The following ZNF546 variants were observed in gnomAD, a reference collection of about 807,000 sequenced individuals.
The protein encoded by ZNF546 is CTC-471F3.6.
In ZNF546, 60 loss-of-function variants were observed where a neutral mutation model predicts 76.2. The ratio of observed to expected loss-of-function variants is 0.79; its 90% confidence interval spans 0.64 to 0.98. ZNF546 has a LOEUF of 0.98. Among genes scored for constraint, ZNF546 ranks in the 50% least tolerant of loss-of-function variants. The pLI is 0.00. For synonymous variants in ZNF546, 277 were observed against 328.1 expected (o/e 0.84, Z 1.68); for missense variants, 936 against 1,035.6 (o/e 0.90, Z 1.32).
chr19:40,014,170 C>A lies in ZNF546; in HGVS notation c.900C>A (p.Pro300=), dbSNP rs1316182073. ...AGAGAATACATTCTGGTGTGAAACC[C>A]TACGAGTGTAAGGAATGTGGGAAAG... ...EHQRIHSGVK[P]YECKECGKAF... is the part of the protein sequence containing the mutation. Residue 300 remains proline, a synonymous_variant, in exon 7 of 7, where the codon CCC becomes CCA. Coordinates refer to ENST00000347077, the MANE Select transcript of ZNF546 (RefSeq NM_178544.5). The A allele has an allele frequency of 6.2e-7, 1 of 1,612,924 alleles. No individual in the cohort carries two copies. Among genetic ancestry groups the A allele is most frequent in the South Asian group, 1.1e-5 (1 of 91,038 alleles).
intron 3 of ZNF546, among the ~76,000 whole-genome samples, chr19:40,004,193 G>A (rs564559602): frequency 2.0e-4 from 30 of 149,478 alleles, no homozygotes; most frequent in Admixed American, 1.7e-3. Flanking sequence ...AGAGAAGATC[G>A]TTCAACAAAG....
intron 3 of ZNF546, among the ~76,000 whole-genome samples, chr19:40,002,662 G>A (rs1971544354): frequency 6.6e-6 from 1 of 151,798 alleles, no homozygotes; most frequent in African/African-American, 2.4e-5. Flanking sequence ...TGGCTAATAA[G>A]CACCTGAAAT....
intron 3 of ZNF546, among the ~76,000 whole-genome samples, chr19:40,000,956 G>A (rs1971521415): frequency 1.3e-5 from 2 of 152,066 alleles, no homozygotes; most frequent in East Asian, 1.9e-4. Context: ...GGAGACCTGA[G>A]CTTGTTTTCC....
At position 40,004,725 on chromosome 19, in the gene ZNF546, T is replaced by C. The variant is rs377121897; in HGVS notation, c.85-1371T>C. ...CGTTCTTTCTTTATGTATGTGTGTG[T>C]GTGTGTATGTTTTCACAAATGTAAT... On this transcript the variant is annotated intron_variant, in intron 3 of 6. Transcript: ENST00000347077. Among the ~76,000 whole-genome samples the C allele has an allele frequency of 6.8e-4, 103 of 152,330 alleles. 3 individuals are homozygous for C. In the South Asian group the frequency reaches 0.012, roughly 17 times the overall value.
At chr19:40,007,502 C>T in intron 5 of ZNF546, 102 bp downstream of exon 5, 1 of 1,231,290 alleles carries the variant, frequency 8.1e-7, no homozygotes, top group Non-Finnish European at 1.1e-6. Flanking sequence ...ACTGACACCC[C>T]TATTTCTAAA....
rs1599748073 is a variant in ZNF546 at position 40,018,074 on chromosome 19, G to C, written c.*2293G>C. 6.9e-6 allele frequency: 1 copy of C among 145,318 alleles called. No individual in the cohort carries two copies. Among genetic ancestry groups the C allele is most frequent in the Admixed American group, 7.2e-5 (1 of 13,984 alleles). The allele number at this position is 145,318 out of a possible 1,614,324, so 9.0% of individuals were successfully genotyped here. ...CTGCAAGCTCCGCCTCCCGGGTTCA[G>C]GCAATTCTGCCTCAGCCTCCCCAGT... On this transcript the variant is annotated 3_prime_UTR_variant, in exon 7 of 7. Transcript: ENST00000347077.
chr19:40,011,382 C>A (rs1159501406), intron 6 of ZNF546: 2 of 152,062 alleles, frequency 1.3e-5, no homozygotes, highest in Non-Finnish European at 2.9e-5. Context: ...CACGCCACCA[C>A]ACCCAGCTAA....
chr19:40,001,570 C>T (rs2144637103), intron 3 of ZNF546, among the ~76,000 whole-genome samples: 1 of 152,166 alleles, frequency 6.6e-6, no homozygotes, highest in Non-Finnish European at 1.5e-5. Flanking sequence ...CCATGTTGGT[C>T]AGGCTGGTCT....
rs1367364267 is a variant in ZNF546 at position 40,018,340 on chromosome 19, A to G, written c.*2559A>G. 1 of 152,116 alleles carries G rather than the reference A, an allele frequency of 6.6e-6. No homozygotes were observed. Among genetic ancestry groups the G allele is most frequent in the East Asian group, 1.9e-4 (1 of 5,190 alleles). The allele number at this position is 152,116 out of a possible 1,614,324, so 9.4% of individuals were successfully genotyped here. On this transcript the variant is annotated 3_prime_UTR_variant, in exon 7 of 7. Transcript: ENST00000347077. ...CATTAACTGGAATTTGGGATTAGAG[A>G]CCCAATTAGGGACAGATTAAATATT...
At chr19:39,998,103 A>G (rs1971478692) in intron 2 of ZNF546, 145 bp from the exon 3 acceptor site, 1 of 534,448 alleles carries the variant, frequency 1.9e-6, no homozygotes, top group Non-Finnish European at 3.4e-6. Context: ...TACTTTCTGT[A>G]GCTTTCATTT....
intron 3 of ZNF546, among the ~76,000 whole-genome samples, chr19:40,000,804 C>T (rs1000125072): frequency 6.6e-6 from 1 of 151,910 alleles, no homozygotes; most frequent in African/African-American, 2.4e-5. Flanking sequence ...CATGGAGGAC[C>T]GTTTTTTCAC....
chr19:40,005,912 T>C (rs939581922), intron 3 of ZNF546, among the ~76,000 whole-genome samples, 184 bp from the exon 4 acceptor site: 32 of 152,226 alleles, frequency 2.1e-4, no homozygotes, highest in African/African-American at 7.2e-4. Context: ...TGTCATCACC[T>C]GGCAACCGTG....
In ZNF546 at chr19:40,006,236, A is replaced by C. The variant is rs1161339900; in HGVS notation, c.171+54A>C. 3.3e-6 allele frequency: 5 copies of C among 1,509,374 alleles called. No individual in the cohort carries two copies. In the African/African-American group the frequency reaches 6.9e-5, roughly 21 times the overall value. The allele number at this position is 1,509,374 out of a possible 1,614,324, so 93.5% of individuals were successfully genotyped here. A position where few individuals can be genotyped will look rare whatever the true frequency, so the allele number is the denominator to read the frequency against. The stretch of plus-strand genomic sequence containing the variant: ...ACTGTGTTTTTAAATTCATGTGATC[A>C]TTGAAGTCTCGTTATCTTGAGACTT... On this transcript the variant is annotated intron_variant, in intron 4 of 6. Transcript: ENST00000347077.
intron 3 of ZNF546, among the ~76,000 whole-genome samples, chr19:40,004,044 A>C (rs1180869482): frequency 1.4e-5 from 2 of 141,072 alleles, no homozygotes. Flanking sequence ...ATATAAATAT[A>C]TTTATATGTA....
rs914937514 is a variant in ZNF546, at chr19:40,019,479, A to G, written c.*3698A>G. The G allele has an allele frequency of 4.6e-5, 7 of 151,670 alleles. No individual in the cohort carries two copies. The highest frequency in any genetic ancestry group is 1.0e-4 in the Non-Finnish European group (7 of 67,734). 9.4% of individuals were successfully genotyped at this position (151,670 alleles called of 1,614,324 possible). A position where few individuals can be genotyped will look rare whatever the true frequency, so the allele number is the denominator to read the frequency against. On this transcript the variant is annotated 3_prime_UTR_variant, in exon 7 of 7. Coordinates refer to ENST00000347077, the MANE Select transcript of ZNF546 (RefSeq NM_178544.5). ...ATTAAGGCTTTGTGAAAAAATATTA[A>G]TACTTGATTTTAGTATAGCTAATCA...
At position 40,014,913 on chromosome 19, in the gene ZNF546, CAT is replaced by C; in HGVS notation, c.1644_1645del (p.Cys549Ter). The C allele has an allele frequency of 6.2e-7, 1 of 1,613,962 alleles. No individual in the cohort carries two copies. Among genetic ancestry groups the C allele is most frequent in the Non-Finnish European group, 8.5e-7 (1 of 1,179,938 alleles). On this transcript the variant is annotated frameshift_variant, in exon 7 of 7. Coordinates refer to ENST00000347077, the MANE Select transcript of ZNF546 (RefSeq NM_178544.5). LOFTEE classifies it high-confidence loss of function. ...CTTACCCGACATCACAGAATTCATA[CAT>C]GTGAGAAACCCTATGAATGTAAGGA...
Position 40,014,861 on chromosome 19 carries a change from G to A in ZNF546, c.1591G>A (p.Gly531Arg), listed in dbSNP as rs761172966. The stretch of plus-strand genomic sequence containing the variant: ...GAAACCCTACATATGTAACGAATGT[G>A]GAAAAGCCTTTCGTCTTCAAGGAGA... The part of the protein sequence containing the change: ...GEKPYICNEC[G>R]KAFRLQGELT... The change falls in exon 7 of 7, where the codon GGA becomes AGA. Residue 531 changes from glycine to arginine, a missense_variant. Gly to Arg is a moderately radical substitution (Grantham distance 125). Coordinates refer to ENST00000347077, the MANE Select transcript of ZNF546 (RefSeq NM_178544.5). 32 of 1,613,584 alleles carry A rather than the reference G, an allele frequency of 2.0e-5. No individual in the cohort carries two copies. The highest frequency in any genetic ancestry group is 2.6e-5 in the Non-Finnish European group (31 of 1,179,900).
At chr19:40,011,715 G>A (rs1237667886) in intron 6 of ZNF546, among the ~76,000 whole-genome samples, 1 of 152,142 alleles carries the variant, frequency 6.6e-6, no homozygotes, top group Non-Finnish European at 1.5e-5. Flanking sequence ...GTACACAAAT[G>A]CAAAAATTCT....
chr19:39,998,224 T>C (rs1971479903), intron 2 of ZNF546, 24 bp from the exon 3 acceptor site: 2 of 806,124 alleles, frequency 2.5e-6, no homozygotes, highest in Admixed American at 4.8e-5. Context: ...TTTAAATAAA[T>C]GCATAAAATG....
Sources: allele counts gnomAD v4.1 joint callset (sites outside exome capture counted in the v4.1 genomes callset), GRCh38; gene constraint gnomAD v4.1.1; transcripts MANE v1.5; gene names NCBI Gene and HGNC (gene_info 2026-07-23, HGNC 2026-07-21).